Variants in MON2 observed in about 807,000 individuals in gnomAD.
The protein encoded by MON2 is protein MON2 homolog.
Under a neutral mutation model 208.6 loss-of-function variants are expected in MON2, and 84 were observed. That is an observed-to-expected ratio of 0.40 (90% CI 0.34 to 0.48). The LOEUF is 0.48. Ranked by LOEUF, MON2 falls within the 20% of genes least tolerant of loss-of-function variation. The pLI is 0.59. For missense variants in MON2, 1,611 were observed against 2,015.4 expected, an observed-to-expected ratio of 0.80 and a Z score of 3.84; for synonymous variants, 660 against 694.0, an observed-to-expected ratio of 0.95 and a Z score of 0.77.
intron 7 of MON2, among the ~76,000 whole-genome samples, chr12:62,506,418 G>T (rs2136103965): frequency 6.6e-6 from 1 of 152,178 alleles, no homozygotes; most frequent in South Asian, 2.1e-4. Flanking sequence ...TGTGTTTTTG[G>T]ATTTTCTTTC....
intron 8 of MON2, among the ~76,000 whole-genome samples, chr12:62,510,804 A>G (rs2071356302): frequency 1.3e-5 from 2 of 152,202 alleles, no homozygotes; most frequent in Admixed American, 6.5e-5. Context: ...GTAACTAGGA[A>G]TGAAAAAGAA....
At position 62,553,084 on chromosome 12, in the gene MON2, C is replaced by A; in HGVS notation, c.3120C>A (p.Val1040=). 1 of 1,614,066 alleles carries A rather than the reference C, an allele frequency of 6.2e-7. No individual in the cohort carries two copies. The highest frequency in any genetic ancestry group is 1.1e-5 in the South Asian group (1 of 91,070). Residue 1040 remains valine (V), a synonymous_variant, in exon 24 of 35, where the codon GTC becomes GTA. Transcript: ENST00000393630. The part of the protein sequence containing the change: ...GELCVDPRPA[V]RKSAGQTLFS... ...TATGTGTGGATCCCCGTCCTGCTGT[C>A]AGGAAGAGTGCAGGGCAAACTCTGT...
chr12:62,531,344 T>C (rs1400422709), intron 11 of MON2, among the ~76,000 whole-genome samples: 1 of 152,212 alleles, frequency 6.6e-6, no homozygotes, highest in African/African-American at 2.4e-5. Flanking sequence ...AGAGTTTTTA[T>C]AGATTTAGCT....
chr12:62,588,785 C>T, intron 34 of MON2: 1 of 796,394 alleles, frequency 1.3e-6, no homozygotes, highest in Non-Finnish European at 2.0e-6. Flanking sequence ...TTCATTTCCC[C>T]TACTCTGCAC....
chr12:62,526,532 A>G (rs531083208), intron 11 of MON2, among the ~76,000 whole-genome samples: 2 of 152,242 alleles, frequency 1.3e-5, no homozygotes, highest in South Asian at 4.1e-4. Flanking sequence ...TCTATATGTA[A>G]GAAAAGTTGT....
At chr12:62,571,788 A>C (rs1455154672) in intron 30 of MON2, among the ~76,000 whole-genome samples, 1 of 152,238 alleles carries the variant, frequency 6.6e-6, no homozygotes, top group Non-Finnish European at 1.5e-5. Context: ...ATTTTTGCTT[A>C]TAAGACAGGA....
Position 62,532,649 on chromosome 12 carries a change from G to C in MON2, c.1612G>C (p.Asp538His). ...ACAGCAGGATTTACAGTCAACATCA[G>C]ACCAAATGGATAAGGAAATTGGTAT... is the stretch of plus-strand genomic sequence containing the variant. ...TEQQDLQSTS[D>H]QMDKEIVSRA... The change falls in exon 12 of 35, where the codon GAC becomes CAC. Residue 538 changes from aspartate to histidine, a missense_variant. Coordinates refer to ENST00000393630, the MANE Select transcript of MON2 (RefSeq NM_015026.3). 6.2e-7 allele frequency: 1 copy of C among 1,611,730 alleles called. No homozygotes were observed. The highest frequency in any genetic ancestry group is 8.5e-7 in the Non-Finnish European group (1 of 1,177,904).
At chr12:62,473,947 A>G (rs1160996863) in intron 1 of MON2, among the ~76,000 whole-genome samples, 1 of 151,856 alleles carries the variant, frequency 6.6e-6, no homozygotes, top group Non-Finnish European at 1.5e-5. Flanking sequence ...CCTGCTTGGC[A>G]TCATCCACTC....
chr12:62,508,436 C>A lies in MON2; in HGVS notation c.940C>A (p.Leu314Met), dbSNP rs2136111190. The A allele has an allele frequency of 6.2e-7, 1 of 1,614,098 alleles. No individual in the cohort carries two copies. Among genetic ancestry groups the A allele is most frequent in the Middle Eastern group, 1.7e-4 (1 of 6,060 alleles). Residue 314 changes from leucine to methionine, a missense_variant, in exon 8 of 35, where the codon CTG becomes ATG. By Grantham distance (15) the Leu-to-Met change is conservative. Coordinates refer to ENST00000393630, the MANE Select transcript of MON2 (RefSeq NM_015026.3). ...ATATTTTCCTATCTGCATGCGTTTG[C>A]TGAGAGTAGTATCTGTTCTGATTAA... is the stretch of plus-strand genomic sequence containing the variant. ...KPYFPICMRL[L>M]RVVSVLIKQF...
chr12:62,538,078 T>A lies in MON2; in HGVS notation c.2119-18T>A. Reference sequence around the variant, plus strand: ...CTTTTGTAAAGTTATTTGTTTTGATTTTTTTTTAATTTTACAGCATCTTGT... The same window carrying A: ...CTTTTGTAAAGTTATTTGTTTTGATATTTTTTTAATTTTACAGCATCTTGT... On this transcript the variant is annotated intron_variant, in intron 16 of 34. Coordinates refer to ENST00000393630, the MANE Select transcript of MON2 (RefSeq NM_015026.3). 1 of 1,600,120 alleles carries A rather than the reference T, an allele frequency of 6.2e-7. No homozygotes were observed. The highest frequency in any genetic ancestry group is 2.2e-5 in the East Asian group (1 of 44,726).
chr12:62,534,542 A>ATATAT (rs1306662466), intron 12 of MON2, among the ~76,000 whole-genome samples: 4 of 22,848 alleles, frequency 1.8e-4, no homozygotes, highest in East Asian at 3.4e-3. Flanking sequence ...AAAAAAAAAA[A>ATATAT]ATATATATAT....
intron 30 of MON2, among the ~76,000 whole-genome samples, chr12:62,576,352 C>T (rs2074781684): frequency 6.6e-6 from 1 of 151,736 alleles, no homozygotes; most frequent in Non-Finnish European, 1.5e-5. Flanking sequence ...GGGTACAGAT[C>T]TTTTTGGGGG....
intron 1 of MON2, among the ~76,000 whole-genome samples, chr12:62,475,808 A>G (rs2135963866): frequency 6.6e-6 from 1 of 150,440 alleles, no homozygotes; most frequent in African/African-American, 2.4e-5. Flanking sequence ...TCAGGAGTTC[A>G]CGACCAGCCT....
At chr12:62,549,094 A>G (rs753338090) in intron 22 of MON2, among the ~76,000 whole-genome samples, 36 of 152,192 alleles carry the variant, frequency 2.4e-4, no homozygotes, top group Non-Finnish European at 2.5e-4. Context: ...ATGAAATACA[A>G]ATAGAAGTAA....
rs1474041609 is a variant in MON2, at chr12:62,538,412, T to C, written c.2274-3T>C. On this transcript the variant is annotated splice_region_variant and splice_polypyrimidine_tract_variant and intron_variant, in intron 18 of 34. Transcript: ENST00000393630. ...ATGTCTTATTTCTTCATTTCCTTTT[T>C]AGGTATCTTGATGATGTATCACTGC... 3 of 1,605,438 alleles carry C rather than the reference T, an allele frequency of 1.9e-6. No individual in the cohort carries two copies. The highest frequency in any genetic ancestry group is 2.6e-6 in the Non-Finnish European group (3 of 1,172,684).
intron 8 of MON2, among the ~76,000 whole-genome samples, chr12:62,516,846 T>C (rs1472133254): frequency 3.3e-5 from 5 of 152,196 alleles, no homozygotes; most frequent in Non-Finnish European, 7.3e-5. Context: ...TCATTTACTC[T>C]ATAAATGTTA....
intron 30 of MON2, among the ~76,000 whole-genome samples, chr12:62,572,384 T>C (rs761787267): frequency 3.9e-5 from 6 of 152,186 alleles, no homozygotes; most frequent in Non-Finnish European, 7.4e-5. Flanking sequence ...TTGTCTGTAA[T>C]AGCTGTAATA....
intron 24 of MON2, among the ~76,000 whole-genome samples, chr12:62,554,669 A>C (rs2073890958): frequency 6.6e-6 from 1 of 151,852 alleles, no homozygotes; most frequent in Admixed American, 6.6e-5. Context: ...TAATTTTTAA[A>C]ATTTTTTTTG....
chr12:62,504,222 T>G (rs890022359), intron 7 of MON2, among the ~76,000 whole-genome samples: 7 of 150,644 alleles, frequency 4.6e-5, no homozygotes, highest in African/African-American at 1.7e-4. Flanking sequence ...AAACCGTTTT[T>G]ACAGATTTTT....
Sources: allele counts gnomAD v4.1 joint callset (sites outside exome capture counted in the v4.1 genomes callset), GRCh38; gene constraint gnomAD v4.1.1; transcripts MANE v1.5; gene names NCBI Gene and HGNC (gene_info 2026-07-23, HGNC 2026-07-21).